Variants in DPP6 observed in about 807,000 individuals in gnomAD.
DPP6 encodes the protein dipeptidyl peptidase like 6.
DPP6 carries 69 observed loss-of-function variants against 122.6 expected under a neutral mutation model. The ratio of observed to expected loss-of-function variants is 0.56; its 90% CI spans 0.46 to 0.69. DPP6 has a LOEUF of 0.69. Among genes scored for constraint, DPP6 ranks in the 30% least tolerant of loss-of-function variants. The pLI is 0.00. For missense variants in DPP6, 928 were observed against 1,116.9 expected (o/e 0.83, Z 2.41); for synonymous variants, 418 against 433.1 (o/e 0.97, Z 0.43).
Position 154,892,687 on chromosome 7 carries a change from G to T in DPP6, c.*207G>T. 9.4e-7 allele frequency: 1 copy of T among 1,068,340 alleles called. No individual in the cohort carries two copies. Among genetic ancestry groups the T allele is most frequent in the African/African-American group, 1.5e-5 (1 of 64,666 alleles). The allele number at this position is 1,068,340 out of a possible 1,614,324, so 66.2% of individuals were successfully genotyped here. ...TCACTCACGGCCTCCATGGCACCAGGGACAACGCTGTCCCCGCAGCAGCGC... is the reference window on the plus strand; with the variant it reads ...TCACTCACGGCCTCCATGGCACCAGTGACAACGCTGTCCCCGCAGCAGCGC... On this transcript the variant is annotated 3_prime_UTR_variant, in exon 26 of 26. Coordinates refer to ENST00000377770, the MANE Select transcript of DPP6 (RefSeq NM_130797.4).
intron 1 of DPP6, among the ~76,000 whole-genome samples, chr7:153,994,416 A>G (rs1289823243): frequency 6.6e-6 from 1 of 151,764 alleles, no homozygotes; most frequent in Admixed American, 6.6e-5. Flanking sequence ...TTTTTAAAAA[A>G]TCATTTTTCA....
At chr7:154,761,964 G>A (rs533399659) in intron 8 of DPP6, among the ~76,000 whole-genome samples, 11 of 152,188 alleles carry the variant, frequency 7.2e-5, no homozygotes, top group Admixed American at 5.9e-4. Context: ...CTGTCCTTGC[G>A]ATAGTTTGCT....
Position 154,240,291 on chromosome 7 carries a change from C to T in DPP6, c.243+187228C>T, listed in dbSNP as rs558635152. Among the ~76,000 whole-genome samples the T allele has an allele frequency of 2.6e-5, 4 of 152,186 alleles. No individual in the cohort carries two copies. The South Asian group carries it at 8.3e-4, about 32-fold the overall frequency. On this transcript the variant is annotated intron_variant, in intron 1 of 25. Transcript: ENST00000377770. ...CAGCGTAGATTGTCTCTGTTACCAC[C>T]GGATGCCTCTGGAGAATGCTGCATG...
At chr7:154,376,539 A>G (rs1813144978) in intron 1 of DPP6, among the ~76,000 whole-genome samples, 1 of 152,238 alleles carries the variant, frequency 6.6e-6, no homozygotes, top group Non-Finnish European at 1.5e-5. Flanking sequence ...CTCTGCTAAA[A>G]TTGCATATAG....
intron 1 of DPP6, among the ~76,000 whole-genome samples, chr7:154,222,453 C>G (rs1430641569): frequency 6.9e-6 from 1 of 144,904 alleles, no homozygotes; most frequent in Admixed American, 6.7e-5. Context: ...GTCAGGAGTT[C>G]GAGACTAGCC....
chr7:154,523,418 G>A (rs1827157239), intron 3 of DPP6, among the ~76,000 whole-genome samples: 2 of 151,166 alleles, frequency 1.3e-5, no homozygotes, highest in African/African-American at 4.9e-5. Flanking sequence ...TTTCATCCCT[G>A]AATACTAAAA....
chr7:153,871,091 G>T, the DPP6 span, among the ~76,000 whole-genome samples: 1 of 152,200 alleles, frequency 6.6e-6, no homozygotes, highest in Admixed American at 6.5e-5. Flanking sequence ...AGGCTATTCG[G>T]GGGTCAGGAA....
At chr7:154,668,901 C>A (rs181045980) in intron 6 of DPP6, among the ~76,000 whole-genome samples, 75 of 152,270 alleles carry the variant, frequency 4.9e-4, no homozygotes, top group Middle Eastern at 6.8e-3. Context: ...TCTGTCAACA[C>A]AAACCAACAC....
intron 1 of DPP6, chr7:154,095,035 T>C (rs1805225883): frequency 6.6e-6 from 1 of 152,212 alleles, no homozygotes; most frequent in South Asian, 2.1e-4. Context: ...ACAGCCCAGG[T>C]GCAGGACATG....
At chr7:153,997,616 C>CACACACACACACACAA (rs1563086677) in intron 1 of DPP6, among the ~76,000 whole-genome samples, 2 of 149,354 alleles carry the variant, frequency 1.3e-5, no homozygotes, top group Non-Finnish European at 3.0e-5. Flanking sequence ...CACACACACA[C>CACACACACACACACAA]CTGTTTTGTA....
chr7:154,415,572 CCTGTGGGTCCCTGAG>C (rs1454102425), intron 1 of DPP6, among the ~76,000 whole-genome samples: 1 of 151,826 alleles, frequency 6.6e-6, no homozygotes, highest in Non-Finnish European at 1.5e-5. Context: ...TTTAAAGGTG[CCTGTGGGTCCCTGAG>C]CTATCTTGGG....
At chr7:153,935,392 T>C (rs1801386496) in intron 1 of DPP6, among the ~76,000 whole-genome samples, 1 of 152,078 alleles carries the variant, frequency 6.6e-6, no homozygotes, top group Admixed American at 6.5e-5. Flanking sequence ...CATGTCAGCG[T>C]GGCACATCCC....
At chr7:153,977,431 T>G (rs1035735204) in intron 1 of DPP6, among the ~76,000 whole-genome samples, 5 of 152,194 alleles carry the variant, frequency 3.3e-5, no homozygotes, top group African/African-American at 1.2e-4. Flanking sequence ...CTCCCTCTAT[T>G]ATATCACATT....
chr7:154,101,579 G>T (rs1198501466), intron 1 of DPP6, among the ~76,000 whole-genome samples: 3 of 151,854 alleles, frequency 2.0e-5, no homozygotes, highest in African/African-American at 7.3e-5. Flanking sequence ...CAAGAAATAT[G>T]CAGGCAAAAA....
intron 6 of DPP6, among the ~76,000 whole-genome samples, chr7:154,662,278 A>G (rs1225164521): frequency 6.6e-6 from 1 of 151,664 alleles, no homozygotes; most frequent in African/African-American, 2.4e-5. Context: ...ATGGTGAATC[A>G]GCATGGCATA....
Position 154,784,674 on chromosome 7 carries a change from C to T in DPP6, c.1137-9405C>T, listed in dbSNP as rs117673872. On this transcript the variant is annotated intron_variant, in intron 10 of 25. Transcript: ENST00000377770. ...TTGTGAGGTCAGCCACCACCATGCCCGTCACAATCAGGCAGGGGTGACTCT... is the reference window on the plus strand; with the variant it reads ...TTGTGAGGTCAGCCACCACCATGCCTGTCACAATCAGGCAGGGGTGACTCT... Among the ~76,000 whole-genome samples the T allele has an allele frequency of 8.7e-3, 1,330 of 152,212 alleles. 17 individuals carry two copies. Among genetic ancestry groups the T allele is most frequent in the South Asian group, 0.016 (75 of 4,820 alleles).
intron 1 of DPP6, among the ~76,000 whole-genome samples, chr7:153,915,889 G>A (rs1467307848): frequency 6.6e-6 from 1 of 152,188 alleles, no homozygotes; most frequent in South Asian, 2.1e-4. Flanking sequence ...AGCAAAGTTA[G>A]TAAACCCAAC....
chr7:154,586,354 C>T (rs1179225978), intron 5 of DPP6, among the ~76,000 whole-genome samples: 1 of 152,186 alleles, frequency 6.6e-6, no homozygotes, highest in Non-Finnish European at 1.5e-5. Flanking sequence ...TACCTGCCGG[C>T]CTCAGCTCCC....
intron 1 of DPP6, chr7:154,055,988 A>T (rs1183564514): frequency 1.3e-5 from 2 of 152,214 alleles, no homozygotes; most frequent in African/African-American, 4.8e-5. Context: ...ATGCCTGAGC[A>T]TGACTGAGAA....
Sources: gnomAD v4.1 joint callset for allele counts (sites outside exome capture counted in the v4.1 genomes callset) on GRCh38, gnomAD v4.1.1 for gene constraint, MANE v1.5 for transcripts, NCBI Gene and HGNC (gene_info 2026-07-23, HGNC 2026-07-21) for gene names.